Variants in ZDHHC14 observed in about 807,000 individuals in gnomAD.
The protein encoded by ZDHHC14 is zDHHC palmitoyltransferase 14.
In ZDHHC14, 16 loss-of-function variants were observed where a neutral mutation model predicts 47.7. That is an observed-to-expected ratio of 0.34 (90% CI 0.23 to 0.51). The LOEUF is 0.51. Among genes scored for constraint, ZDHHC14 ranks in the 20% least tolerant of loss-of-function variants. ZDHHC14 has a pLI of 0.97. For missense variants in ZDHHC14, 515 were observed against 662.5 expected, an observed-to-expected ratio of 0.78 and a Z score of 2.44; for synonymous variants, 293 against 278.9, an observed-to-expected ratio of 1.05 and a Z score of -0.50.
At chr6:157,476,843 C>T (rs144673032) in intron 1 of ZDHHC14, among the ~76,000 whole-genome samples, 7 of 152,158 alleles carry the variant, frequency 4.6e-5, no homozygotes, top group African/African-American at 1.7e-4. Flanking sequence ...TTTGACAAAC[C>T]TCAACATCCT....
intron 6 of ZDHHC14, 95 bp downstream of exon 6, chr6:157,645,934 T>A (rs1329322006): frequency 1.9e-6 from 2 of 1,075,596 alleles, no homozygotes; most frequent in African/African-American, 3.1e-5. Flanking sequence ...GCTTTTCCCA[T>A]ACATCCCGTT....
chr6:157,472,136 C>A (rs1194317144), intron 1 of ZDHHC14, among the ~76,000 whole-genome samples: 16 of 152,088 alleles, frequency 1.1e-4, no homozygotes, highest in Admixed American at 9.8e-4. Context: ...GCCTGTCTCC[C>A]GTCAGGATGT....
Position 157,382,099 on chromosome 6 carries a change from G to A in ZDHHC14, c.78G>A (p.Glu26=). 6.2e-7 allele frequency: 1 copy of A among 1,612,194 alleles called. No homozygotes were observed. The highest frequency in any genetic ancestry group is 8.5e-7 in the Non-Finnish European group (1 of 1,179,172). The change falls in exon 1 of 9, where the codon GAG becomes GAA. Residue 26 remains glutamate (E), a synonymous_variant. Coordinates refer to ENST00000359775, the MANE Select transcript of ZDHHC14 (RefSeq NM_024630.3). The part of the protein sequence containing the change: ...QISTHSSSPM[E]SPHKKKKIAA... Reference sequence around the variant, plus strand: ...GCACCCACAGCTCCTCCCCCATGGAGTCGCCCCACAAGAAGAAGAAAATCG... The same window carrying A: ...GCACCCACAGCTCCTCCCCCATGGAATCGCCCCACAAGAAGAAGAAAATCG...
At position 157,593,286 on chromosome 6, in the gene ZDHHC14, G is replaced by A. The variant is rs528288289; in HGVS notation, c.565+140G>A. The A allele has an allele frequency of 1.8e-5, 20 of 1,128,326 alleles. No homozygotes were observed. In the South Asian group the frequency reaches 2.1e-4, roughly 12 times the overall value. 69.9% of individuals were successfully genotyped at this position (1,128,326 alleles called of 1,614,324 possible). Reference sequence around the variant, plus strand: ...CATGTTGCCACTGATTGAGTTCACCGGGCCTAGAGTCACCAAATATCTTTT... The same window carrying A: ...CATGTTGCCACTGATTGAGTTCACCAGGCCTAGAGTCACCAAATATCTTTT... On this transcript the variant is annotated intron_variant, in intron 3 of 8. Transcript: ENST00000359775.
chr6:157,519,838 A>T (rs897660653), intron 1 of ZDHHC14, among the ~76,000 whole-genome samples: 2 of 152,206 alleles, frequency 1.3e-5, no homozygotes, highest in African/African-American at 4.8e-5. Flanking sequence ...ATAAAATGCT[A>T]ACAGACCCGT....
At chr6:157,645,625 G>C in intron 5 of ZDHHC14, 112 bp from the exon 6 acceptor site, 1 of 769,402 alleles carries the variant, frequency 1.3e-6, no homozygotes, top group Non-Finnish European at 2.1e-6. Context: ...GTGAGAGAGA[G>C]GCCAGCAACT....
intron 3 of ZDHHC14, among the ~76,000 whole-genome samples, chr6:157,593,649 T>TGCCTCCCAACTTCC (rs1403440948): frequency 6.6e-6 from 1 of 152,210 alleles, no homozygotes; most frequent in Non-Finnish European, 1.5e-5. Context: ...CTCCCCTCTC[T>TGCCTCCCAACTTCC]GCCTCCCAAC....
intron 1 of ZDHHC14, among the ~76,000 whole-genome samples, chr6:157,394,639 T>C (rs137941950): frequency 1.7e-3 from 264 of 152,344 alleles, no homozygotes; most frequent in African/African-American, 6.1e-3. Context: ...TCCCACTTTT[T>C]TGAGCCATCC....
intron 3 of ZDHHC14, among the ~76,000 whole-genome samples, chr6:157,602,264 T>A (rs1045156220): frequency 6.6e-6 from 1 of 150,574 alleles, no homozygotes; most frequent in Non-Finnish European, 1.5e-5. Flanking sequence ...CCCAGCACTT[T>A]GGGAGGTCAA....
intron 2 of ZDHHC14, among the ~76,000 whole-genome samples, chr6:157,581,917 A>G (rs929429064): frequency 6.6e-6 from 1 of 151,874 alleles, no homozygotes; most frequent in African/African-American, 2.4e-5. Context: ...TTCTTTTTAA[A>G]CAGGGTCTTG....
chr6:157,659,083 T>C (rs1778231722), intron 8 of ZDHHC14, among the ~76,000 whole-genome samples: 1 of 152,246 alleles, frequency 6.6e-6, no homozygotes, highest in African/African-American at 2.4e-5. Flanking sequence ...AGTTATCTAA[T>C]TTGTTACCGT....
chr6:157,409,864 T>G (rs1356558531), intron 1 of ZDHHC14, among the ~76,000 whole-genome samples: 2 of 152,080 alleles, frequency 1.3e-5, no homozygotes, highest in African/African-American at 4.8e-5. Flanking sequence ...AGTCTTCTTC[T>G]GTCACCCAGA....
At position 157,643,781 on chromosome 6, in the gene ZDHHC14, T is replaced by C. The variant is rs901791997; in HGVS notation, c.753-1956T>C. ...GCATAGTTGACATTGTCAAAGGAGC[T>C]GCAGCCACTTTCAGTCTGGGATTGT... On this transcript the variant is annotated intron_variant, in intron 5 of 8. Coordinates refer to ENST00000359775, the MANE Select transcript of ZDHHC14 (RefSeq NM_024630.3). Among the ~76,000 whole-genome samples, 9 of 150,912 alleles carry C rather than the reference T, an allele frequency of 6.0e-5. No homozygotes were observed. The South Asian group carries it at 1.9e-3, about 32-fold the overall frequency.
intron 3 of ZDHHC14, among the ~76,000 whole-genome samples, chr6:157,626,493 G>C (rs1381071111): frequency 6.6e-6 from 1 of 152,138 alleles, no homozygotes; most frequent in Non-Finnish European, 1.5e-5. Context: ...TTTGTTCGTT[G>C]TCAATATTTA....
chr6:157,626,874 G>A (rs1785446611), intron 3 of ZDHHC14, among the ~76,000 whole-genome samples: 1 of 140,432 alleles, frequency 7.1e-6, no homozygotes, highest in South Asian at 2.3e-4. Flanking sequence ...TTTTATTCAG[G>A]GTTTGCTTTT....
Position 157,589,394 on chromosome 6 carries a change from T to C in ZDHHC14, c.407-3594T>C, listed in dbSNP as rs574588073. Among the ~76,000 whole-genome samples the C allele has an allele frequency of 5.3e-5, 8 of 152,218 alleles. 1 individual carries two copies. In the South Asian group the frequency reaches 1.7e-3, roughly 32 times the overall value. ...CATCTCGGAGGAGTTTTTAGACATC[T>C]CAATGCTTGATATGGTTTGGCTGTG... On this transcript the variant is annotated intron_variant, in intron 2 of 8. Transcript: ENST00000359775.
chr6:157,399,206 CT>C (rs67834912), intron 1 of ZDHHC14, among the ~76,000 whole-genome samples: 117,257 of 152,004 alleles, frequency 0.77, 45,843 homozygotes, highest in Middle Eastern at 0.91. Context: ...TTTCACTCTT[CT>C]TTTGTTAGTA....
intron 2 of ZDHHC14, among the ~76,000 whole-genome samples, chr6:157,589,907 A>G (rs1300609523): frequency 6.6e-6 from 1 of 152,222 alleles, no homozygotes; most frequent in African/African-American, 2.4e-5. Flanking sequence ...GACTTGTTGA[A>G]TGGCTTTGAC....
At chr6:157,393,399 C>G (rs1019626413) in intron 1 of ZDHHC14, among the ~76,000 whole-genome samples, 1 of 152,180 alleles carries the variant, frequency 6.6e-6, no homozygotes, top group Non-Finnish European at 1.5e-5. Flanking sequence ...GGAGGAATGG[C>G]GATCTAACCC....
Sources: gnomAD v4.1 joint callset for allele counts (sites outside exome capture counted in the v4.1 genomes callset) on GRCh38, gnomAD v4.1.1 for gene constraint, MANE v1.5 for transcripts, NCBI Gene and HGNC (gene_info 2026-07-23, HGNC 2026-07-21) for gene names.